The following CELA3B variants were observed in gnomAD, a reference collection of about 807,000 sequenced individuals.
CELA3B encodes chymotrypsin-like elastase family member 3B.
In CELA3B, 34 loss-of-function variants were observed where a neutral mutation model predicts 37.2. That is an observed-to-expected ratio of 0.91 (90% CI 0.70 to 1.22). The LOEUF (loss-of-function observed/expected upper bound fraction) is 1.22. CELA3B is among the 50% of genes most tolerant of loss of function. The pLI is 0.00. For missense variants in CELA3B, 340 were observed against 363.1 expected (o/e 0.94, Z 0.52); for synonymous variants, 127 against 143.5 (o/e 0.89, Z 0.82).
downstream of CELA3B, among the ~76,000 whole-genome samples, chr1:21,991,789 A>C (rs1178951354): frequency 6.6e-6 from 1 of 151,242 alleles, no homozygotes; most frequent in Non-Finnish European, 1.5e-5. Flanking sequence ...CTTGAAGCTG[A>C]AAGAGTTGGC....
chr1:21,990,091 C>A (rs1233451472), downstream of CELA3B, among the ~76,000 whole-genome samples: 2 of 150,112 alleles, frequency 1.3e-5, no homozygotes, highest in Non-Finnish European at 3.0e-5. Context: ...CCTTATAAAA[C>A]CATCAGATCT....
At position 21,983,765 on chromosome 1, in the gene CELA3B, C is replaced by G; in HGVS notation, c.434C>G (p.Pro145Arg). Residue 145 changes from proline to arginine, a missense_variant, in exon 5 of 8, where the codon CCT (proline) becomes CGT (arginine). Physicochemically the swap from Pro to Arg is moderately radical, Grantham distance 103 (BLOSUM62 -2). Coordinates refer to ENST00000337107, the MANE Select transcript of CELA3B (RefSeq NM_007352.4). ...LGDAVQLASL[P>R]PAGDILPNET... ...GACGCCGTCCAGCTCGCCTCACTCCCTCCGGCTGGTGACATCCTTCCCAAC... is the reference window on the plus strand; with the variant it reads ...GACGCCGTCCAGCTCGCCTCACTCCGTCCGGCTGGTGACATCCTTCCCAAC... 1 of 1,614,156 alleles carries G rather than the reference C, an allele frequency of 6.2e-7. No individual in the cohort carries two copies. The highest frequency in any genetic ancestry group is 8.5e-7 in the Non-Finnish European group (1 of 1,180,018).
At chr1:21,995,426 C>G (rs1644886327) in intron 4 of CELA3B, among the ~76,000 whole-genome samples, 1 of 151,172 alleles carries the variant, frequency 6.6e-6, no homozygotes, top group Non-Finnish European at 1.5e-5. Flanking sequence ...GCATGAGACA[C>G]TGCACCCTGC....
At chr1:21,982,153 C>T (rs1644809535) in intron 4 of CELA3B, among the ~76,000 whole-genome samples, 1 of 152,088 alleles carries the variant, frequency 6.6e-6, no homozygotes, top group Admixed American at 6.6e-5. Flanking sequence ...TGATGGAAAC[C>T]TCAACCCATC....
chr1:21,983,822 G>C lies in CELA3B; in HGVS notation c.491G>C (p.Arg164Pro). The C allele has an allele frequency of 6.2e-7, 1 of 1,613,948 alleles. No homozygotes were observed. Among genetic ancestry groups the C allele is most frequent in the Non-Finnish European group, 8.5e-7 (1 of 1,179,966 alleles). The part of the protein sequence containing the change: ...ETPCYITGWG[R>P]LYTNGPLPDK... ...CCCTGCTACATCACCGGCTGGGGCC[G>C]TCTCTATAGTACGTGCTGACTTCTC... The change falls in exon 5 of 8, where the codon CGT becomes CCT. Residue 164 changes from arginine (R) to proline (P), a missense_variant. Transcript: ENST00000337107.
At chr1:21,988,291 T>TA (rs558130631) in intron 7 of CELA3B, among the ~76,000 whole-genome samples, 38 of 98,072 alleles carry the variant, frequency 3.9e-4, no homozygotes, top group African/African-American at 6.0e-4. Flanking sequence ...TGACCCATGT[T>TA]AAAAAAATAT....
Position 21,986,619 on chromosome 1 carries a change from G to A in CELA3B, c.731G>A (p.Cys244Tyr), listed in dbSNP as rs1185685564. 6 of 1,613,964 alleles carry A rather than the reference G, an allele frequency of 3.7e-6. No individual in the cohort carries two copies. In the African/African-American group the frequency reaches 5.3e-5, roughly 14 times the overall value. Residue 244 changes from cysteine (C) to tyrosine (Y), a missense_variant, in exon 7 of 8, where the codon TGC becomes TAC. By Grantham distance (194) the Cys-to-Tyr change is radical (BLOSUM62 -2). Transcript: ENST00000337107. ...GVTSFVSAFG[C>Y]NTRRKPTVFT... ...ACCAGCTTTGTTTCTGCCTTTGGCT[G>A]CAACACCCGCAGGAAGCCCACGGTG...
chr1:21,978,428 G>A lies in CELA3B; in HGVS notation c.103G>A (p.Ala35Thr). 6.2e-7 allele frequency: 1 copy of A among 1,614,120 alleles called. No homozygotes were observed. Among genetic ancestry groups the A allele is most frequent in the Non-Finnish European group, 8.5e-7 (1 of 1,179,950 alleles). ...PSSRVVNGED[A>T]VPYSWPWQVS... Reference sequence around the variant, plus strand: ...CAGCCGCGTTGTCAATGGTGAGGATGCGGTCCCCTACAGCTGGCCCTGGCA... The same window carrying A: ...CAGCCGCGTTGTCAATGGTGAGGATACGGTCCCCTACAGCTGGCCCTGGCA... The change falls in exon 2 of 8, where the codon GCG becomes ACG. Residue 35 changes from alanine (A) to threonine (T), a missense_variant. By Grantham distance (58) the Ala-to-Thr change is moderately conservative. Coordinates refer to ENST00000337107, the MANE Select transcript of CELA3B (RefSeq NM_007352.4).
At position 21,988,978 on chromosome 1, in the gene CELA3B, T is replaced by TAC. The variant is rs201337656; in HGVS notation, c.796-272_796-271dup. ...ATATACACACACAGACGTATATATA[T>TAC]ACACACACACACATATATATGTATA... On this transcript the variant is annotated intron_variant, in intron 7 of 7. Transcript: ENST00000337107. Among the ~76,000 whole-genome samples, 26 of 151,974 alleles carry TAC rather than the reference T, an allele frequency of 1.7e-4. No homozygotes were observed. In the East Asian group the frequency reaches 1.7e-3, roughly 10 times the overall value.
chr1:21,982,095 G>A (rs527993437), intron 4 of CELA3B, among the ~76,000 whole-genome samples: 38 of 152,288 alleles, frequency 2.5e-4, no homozygotes, highest in Non-Finnish European at 4.4e-4. Context: ...GAGGGTCAAA[G>A]ACGGGTGCAG....
chr1:21,980,404 G>A (rs1357789403), intron 2 of CELA3B, among the ~76,000 whole-genome samples: 6 of 152,258 alleles, frequency 3.9e-5, no homozygotes, highest in African/African-American at 1.2e-4. Context: ...GCTTGAACCC[G>A]GGAGGCGGAG....
chr1:21,981,613 C>G (rs1425181832), intron 4 of CELA3B, among the ~76,000 whole-genome samples: 2 of 152,016 alleles, frequency 1.3e-5, no homozygotes, highest in Non-Finnish European at 2.9e-5. Context: ...AAGTCACTGG[C>G]CTTCTCTGGG....
At chr1:21,986,274 C>T (rs1644837993) in intron 6 of CELA3B, among the ~76,000 whole-genome samples, 1 of 151,848 alleles carries the variant, frequency 6.6e-6, no homozygotes, top group African/African-American at 2.4e-5. Flanking sequence ...GAGGCTGAAG[C>T]AGGAGAAACA....
At chr1:21,989,703 C>G (rs1299856826), downstream of CELA3B, among the ~76,000 whole-genome samples, 8 of 151,082 alleles carry the variant, frequency 5.3e-5, no homozygotes, top group East Asian at 3.9e-4. Context: ...GCCAGCCCCT[C>G]AGCAGGCTCA....
intron 4 of CELA3B, among the ~76,000 whole-genome samples, chr1:21,981,382 G>A (rs7552725): frequency 0.9 from 132,329 of 146,596 alleles, 60,577 homozygotes; most frequent in Non-Finnish European, 0.98. Flanking sequence ...CCCTACAGAG[G>A]GGATGGCAGT....
chr1:21,983,587 G>A (rs10799723), intron 4 of CELA3B, 107 bp from the exon 5 acceptor site: 1,460,330 of 1,501,506 alleles, frequency 0.97, 712,976 homozygotes, highest in Non-Finnish European at 0.99. Flanking sequence ...TTTGGAGGGT[G>A]AAGGAGCTGG....
At chr1:21,977,734 C>CTT (rs1198184129) in intron 1 of CELA3B, among the ~76,000 whole-genome samples, 1 of 148,098 alleles carries the variant, frequency 6.8e-6, no homozygotes, top group Non-Finnish European at 1.5e-5. Context: ...TTATTTTTTG[C>CTT]TTTTTTTTTT....
At chr1:21,996,146 G>T (rs1022803985) in intron 4 of CELA3B, among the ~76,000 whole-genome samples, 1 of 151,260 alleles carries the variant, frequency 6.6e-6, no homozygotes, top group African/African-American at 2.5e-5. Flanking sequence ...CTGGGAGGTG[G>T]AGGCTGCAGT....
downstream of CELA3B, among the ~76,000 whole-genome samples, chr1:21,993,182 T>A (rs1644875993): frequency 1.3e-5 from 2 of 151,442 alleles, no homozygotes; most frequent in Non-Finnish European, 2.9e-5. Context: ...TATTTATGGC[T>A]GGGCACTGTG....
Sources: allele counts gnomAD v4.1 joint callset (sites outside exome capture counted in the v4.1 genomes callset), GRCh38; gene constraint gnomAD v4.1.1; transcripts MANE v1.5; gene names NCBI Gene and HGNC (gene_info 2026-07-23, HGNC 2026-07-21).